Variants in TUBE1 observed in about 807,000 individuals in gnomAD.
The protein encoded by TUBE1 is tubulin epsilon 1.
TUBE1 carries 34 observed loss-of-function variants against 53.5 expected under a neutral mutation model. That is an observed-to-expected ratio of 0.64 (90% CI 0.48 to 0.85). TUBE1 has a LOEUF of 0.85. Ranked by LOEUF, TUBE1 falls within the 40% of genes least tolerant of loss-of-function variation. The pLI is 0.00. For synonymous variants in TUBE1, 177 were observed against 198.4 expected (o/e 0.89, Z 0.91); for missense variants, 532 against 570.5 (o/e 0.93, Z 0.69).
At chr6:112,072,289 A>T (rs587629155) in intron 10 of TUBE1, among the ~76,000 whole-genome samples, 6 of 152,266 alleles carry the variant, frequency 3.9e-5, no homozygotes, top group Middle Eastern at 3.4e-3. Flanking sequence ...GGGAACATTA[A>T]ATTGGCTGTG....
intron 4 of TUBE1, chr6:112,083,797 G>A (rs1375998045): frequency 6.1e-6 from 1 of 164,018 alleles, no homozygotes; most frequent in African/African-American, 2.4e-5. Flanking sequence ...CTTATATGGT[G>A]AATGGTTTTT....
intron 2 of TUBE1, chr6:112,086,828 A>C: frequency 1.9e-6 from 1 of 533,884 alleles, no homozygotes. Flanking sequence ...TAAAGAAAGG[A>C]TTTCACCCAT....
At chr6:112,072,970 AG>A (rs1369566804) in intron 9 of TUBE1, 72 bp from the exon 10 acceptor site, 2 of 1,463,212 alleles carry the variant, frequency 1.4e-6, no homozygotes, top group Non-Finnish European at 1.9e-6. Flanking sequence ...AAATGAAGAT[AG>A]TCCTCTATAA....
chr6:112,085,585 T>C, intron 3 of TUBE1: 1 of 454,470 alleles, frequency 2.2e-6, no homozygotes, highest in South Asian at 1.6e-5. Context: ...GAGGATATTG[T>C]GGGCTACAAA....
intron 6 of TUBE1, 192 bp from the exon 7 acceptor site, chr6:112,076,701 C>T: frequency 2.3e-6 from 1 of 429,616 alleles, no homozygotes; most frequent in Non-Finnish European, 4.1e-6. Context: ...TCCCAAGTAT[C>T]TGGGACCGCA....
At chr6:112,084,157 G>C (rs1554317069) in intron 4 of TUBE1, 32 bp downstream of exon 4, 49 of 1,495,624 alleles carry the variant, frequency 3.3e-5, no homozygotes, top group Non-Finnish European at 4.4e-5. Flanking sequence ...AAAAATACAT[G>C]TAATATAAGA....
chr6:112,081,296 C>T (rs1777067120), intron 4 of TUBE1, 89 bp from the exon 5 acceptor site: 1 of 606,704 alleles, frequency 1.6e-6, no homozygotes, highest in African/African-American at 1.9e-5. Flanking sequence ...CTGAATATTG[C>T]ACTGTTCTCT....
Position 112,076,466 on chromosome 6 carries a change from T to A in TUBE1, c.492A>T (p.Glu164Asp), listed in dbSNP as rs1776971277. ...GLGTFLLKVL[E>D]DEFPEVYRFV... ...ATCTGTATACTTCTGGGAATTCGTC[T>A]TCAAGCACCTTTAAAAGAAATGTGC... Residue 164 changes from glutamate (E) to aspartate (D), a missense_variant, in exon 7 of 12, where the codon GAA becomes GAT. By Grantham distance (45) the Glu-to-Asp change is conservative. Transcript: ENST00000368662. The A allele has an allele frequency of 6.2e-7, 1 of 1,612,374 alleles. No homozygotes were observed. The highest frequency in any genetic ancestry group is 2.2e-5 in the East Asian group (1 of 44,822).
chr6:112,085,563 G>T, intron 3 of TUBE1: 1 of 420,822 alleles, frequency 2.4e-6, no homozygotes, highest in Admixed American at 2.8e-5. Context: ...TCTCCTAAGA[G>T]AATTTAGAGG....
In TUBE1 at chr6:112,076,100, T is replaced by C. The variant is rs782558354; in HGVS notation, c.649A>G (p.Ile217Val). ...LPIDNQSLFD[I>V]ISKIDLMVNS... ...ACCATGAGGTCGATTTTGCTAATGA[T>C]GTCAAATAAAGACTTTTGAGGGAAA... is the stretch of plus-strand genomic sequence containing the variant. Residue 217 changes from isoleucine (I) to valine (V), a missense_variant, in exon 8 of 12, where the codon ATC becomes GTC. Physicochemically the swap from Ile to Val is conservative, Grantham distance 29. Transcript: ENST00000368662. 1 of 1,612,118 alleles carries C rather than the reference T, an allele frequency of 6.2e-7. No homozygotes were observed. Among genetic ancestry groups the C allele is most frequent in the East Asian group, 2.2e-5 (1 of 44,820 alleles).
chr6:112,083,936 T>C (rs1777110153), intron 4 of TUBE1: 2 of 434,204 alleles, frequency 4.6e-6, no homozygotes, highest in African/African-American at 2.0e-5. Context: ...GAGTTAAGAA[T>C]GCTCCTTTTG....
rs1776959648 is a variant in TUBE1, at chr6:112,076,018, G to T, written c.731C>A (p.Ser244Tyr). 1 of 1,613,768 alleles carries T rather than the reference G, an allele frequency of 6.2e-7. No individual in the cohort carries two copies. The highest frequency in any genetic ancestry group is 1.7e-5 in the Admixed American group (1 of 59,992). Residue 244 changes from serine to tyrosine, a missense_variant, in exon 8 of 12, where the codon TCT becomes TAT. By Grantham distance (144) the Ser-to-Tyr change is moderately radical (BLOSUM62 -2). Coordinates refer to ENST00000368662, the MANE Select transcript of TUBE1 (RefSeq NM_016262.5). ...VKPKSLVTSS[S>Y]GALKKQHKKP... ...CTTATGCTGCTTTTTTAAAGCCCCA[G>T]AACTTGAAGTAACCAGACTCTTTGG...
intron 4 of TUBE1, 140 bp from the exon 5 acceptor site, chr6:112,081,347 T>A: frequency 7.0e-6 from 3 of 430,894 alleles, no homozygotes; most frequent in Non-Finnish European, 8.1e-6. Flanking sequence ...GTAGAATCTG[T>A]TGTAAAAATT....
chr6:112,077,591 A>G (rs1776993167), intron 6 of TUBE1: 1 of 152,110 alleles, frequency 6.6e-6, no homozygotes, highest in African/African-American at 2.4e-5. Flanking sequence ...TGTATTTCAT[A>G]CTATTCTGGT....
In TUBE1 at chr6:112,071,346, A is replaced by G. The variant is rs1225134716; in HGVS notation, c.*66T>C. 5 of 1,377,020 alleles carry G rather than the reference A, an allele frequency of 3.6e-6. No homozygotes were observed. Among genetic ancestry groups the G allele is most frequent in the Non-Finnish European group, 4.8e-6 (5 of 1,046,104 alleles). 85.3% of individuals were successfully genotyped at this position (1,377,020 alleles called of 1,614,324 possible). A position where few individuals can be genotyped will look rare whatever the true frequency, so the allele number is the denominator to read the frequency against. ...AAACTGGAGTTTCCAAATTACAAAAATGTTGAAACAGAAAGGTCAGAAAAA... is the reference window on the plus strand; with the variant it reads ...AAACTGGAGTTTCCAAATTACAAAAGTGTTGAAACAGAAAGGTCAGAAAAA... On this transcript the variant is annotated 3_prime_UTR_variant, in exon 12 of 12. Coordinates refer to ENST00000368662, the MANE Select transcript of TUBE1 (RefSeq NM_016262.5).
chr6:112,085,628 T>C (rs374558652), intron 3 of TUBE1: 9 of 470,356 alleles, frequency 1.9e-5, no homozygotes, highest in East Asian at 1.4e-4. Context: ...ATGACAGATA[T>C]CTCCATAAAA....
Position 112,071,603 on chromosome 6 carries a change from T to A in TUBE1, c.1270-33A>T, listed in dbSNP as rs1562601378. 2.6e-6 allele frequency: 4 copies of A among 1,527,686 alleles called. No individual in the cohort carries two copies. The East Asian group carries it at 9.0e-5, about 35-fold the overall frequency. 94.6% of individuals were successfully genotyped at this position (1,527,686 alleles called of 1,614,324 possible). A position where few individuals can be genotyped will look rare whatever the true frequency, so the allele number is the denominator to read the frequency against. ...TTAAAAAATTAGGTAACGTTTACCATTTCAGGAACTTTAATACATAAGACT... is the reference window on the plus strand; with the variant it reads ...TTAAAAAATTAGGTAACGTTTACCAATTCAGGAACTTTAATACATAAGACT... On this transcript the variant is annotated intron_variant, in intron 11 of 11. Coordinates refer to ENST00000368662, the MANE Select transcript of TUBE1 (RefSeq NM_016262.5).
chr6:112,084,312 A>G, intron 3 of TUBE1, 66 bp from the exon 4 acceptor site: 1 of 1,306,432 alleles, frequency 7.7e-7, no homozygotes, highest in Non-Finnish European at 1.1e-6. Flanking sequence ...ATCAGGTGAT[A>G]AAGTTAACTT....
At chr6:112,079,974 A>G (rs1554316536) in intron 5 of TUBE1, among the ~76,000 whole-genome samples, 1 of 151,850 alleles carries the variant, frequency 6.6e-6, no homozygotes, top group East Asian at 1.9e-4. Context: ...AAATATCTGG[A>G]TAAGTAAGCT....
Sources: gnomAD v4.1 joint callset for allele counts (sites outside exome capture counted in the v4.1 genomes callset) on GRCh38, gnomAD v4.1.1 for gene constraint, MANE v1.5 for transcripts, NCBI Gene and HGNC (gene_info 2026-07-23, HGNC 2026-07-21) for gene names.